PTPRT: variants seen among roughly 807,000 people sequenced by gnomAD.
The protein encoded by PTPRT is receptor-type tyrosine-protein phosphatase T.
In PTPRT, 56 loss-of-function variants were observed where a neutral mutation model predicts 176.8. The ratio of observed to expected loss-of-function variants is 0.32; its 90% CI spans 0.26 to 0.40. The LOEUF (loss-of-function observed/expected upper bound fraction) is 0.40, where lower values mean the gene tolerates loss of function less well. Among genes scored for constraint, PTPRT ranks in the 10% least tolerant of loss-of-function variants. PTPRT has a pLI of 1.00. For missense variants in PTPRT, 1,540 were observed against 1,908.2 expected (o/e 0.81, Z 3.60); for synonymous variants, 783 against 739.0 (o/e 1.06, Z -0.96).
At chr20:42,033,573 CTACAGAGGGTTATGA>C in the PTPRT span, among the ~76,000 whole-genome samples, 1 of 152,118 alleles carries the variant, frequency 6.6e-6, no homozygotes. Context: ...CACTTGTAGC[CTACAGAGGGTTATGA>C]TGCATGGTTA....
chr20:42,986,393 G>A (rs935983544), intron 1 of PTPRT, among the ~76,000 whole-genome samples: 11 of 152,098 alleles, frequency 7.2e-5, no homozygotes, highest in Non-Finnish European at 1.2e-4. Flanking sequence ...GACGACCAGC[G>A]TTTGATGAAA....
At chr20:42,756,408 G>A in intron 6 of PTPRT, 54 bp downstream of exon 6, 1 of 1,443,964 alleles carries the variant, frequency 6.9e-7, no homozygotes, top group Non-Finnish European at 9.2e-7. Flanking sequence ...GGGCTTTAAG[G>A]CCCATTAATG....
At chr20:42,755,424 C>T (rs1394616055) in intron 6 of PTPRT, among the ~76,000 whole-genome samples, 1 of 152,070 alleles carries the variant, frequency 6.6e-6, no homozygotes, top group Non-Finnish European at 1.5e-5. Context: ...TCAAACACAC[C>T]AGGTCTCATT....
intron 8 of PTPRT, among the ~76,000 whole-genome samples, chr20:42,467,592 T>C (rs2071121367): frequency 6.6e-6 from 1 of 152,222 alleles, no homozygotes; most frequent in African/African-American, 2.4e-5. Flanking sequence ...TAGCATAAAG[T>C]TCTTATTTTT....
At chr20:42,057,742 C>G in the PTPRT span, among the ~76,000 whole-genome samples, 1 of 152,028 alleles carries the variant, frequency 6.6e-6, no homozygotes, top group Non-Finnish European at 1.5e-5. Context: ...ATAAACACCT[C>G]ACACCTGGAA....
chr20:42,248,716 G>T lies in PTPRT; in HGVS notation c.2283C>A (p.Leu761=). 1 of 1,614,000 alleles carries T rather than the reference G, an allele frequency of 6.2e-7. No individual in the cohort carries two copies. The highest frequency in any genetic ancestry group is 1.1e-5 in the South Asian group (1 of 91,050). Residue 761 remains leucine (L), a synonymous_variant, in exon 14 of 31, where the codon CTC becomes CTA. Coordinates refer to ENST00000373187, the MANE Select transcript of PTPRT (RefSeq NM_007050.6). ...IAGLLMFIII[L]LGVMLTIKRR... ...TTTTGATGGTGAGCATCACGCCCAG[G>T]AGAATGATGATGAACATGAGGAGGC... is the stretch of plus-strand genomic sequence containing the variant.
chr20:42,788,623 A>G (rs964985095), intron 3 of PTPRT, among the ~76,000 whole-genome samples: 1 of 152,156 alleles, frequency 6.6e-6, no homozygotes. Context: ...CATTGCCATT[A>G]TATCTCATTA....
chr20:43,022,988 G>T (rs912136512), intron 1 of PTPRT, among the ~76,000 whole-genome samples: 11 of 152,236 alleles, frequency 7.2e-5, no homozygotes, highest in Admixed American at 6.5e-5. Flanking sequence ...GGTTCCAGGG[G>T]CAAAGGCCCT....
At chr20:42,715,550 C>T (rs1171383293) in intron 6 of PTPRT, among the ~76,000 whole-genome samples, 1 of 152,164 alleles carries the variant, frequency 6.6e-6, no homozygotes, top group Non-Finnish European at 1.5e-5. Flanking sequence ...AGTGCAGGCA[C>T]TGCAGAAGAA....
intron 1 of PTPRT, among the ~76,000 whole-genome samples, chr20:43,051,663 A>G (rs928103340): frequency 6.7e-6 from 1 of 148,904 alleles, no homozygotes; most frequent in African/African-American, 2.5e-5. Flanking sequence ...ACATTATTCT[A>G]TATTATTTTA....
At position 42,885,823 on chromosome 20, in the gene PTPRT, G is replaced by A; in HGVS notation, c.198C>T (p.Asp66=). 1 of 1,608,058 alleles carries A rather than the reference G, an allele frequency of 6.2e-7. No homozygotes were observed. The highest frequency in any genetic ancestry group is 8.5e-7 in the Non-Finnish European group (1 of 1,176,166). ...ATCACATACCTGTGGGCACTGCCTG[G>A]TCCAGCATTGGTTTCTCCCATGTGT... ...QINTWEKPML[D]QAVPTGSFMM... The change falls in exon 2 of 31, where the codon GAC becomes GAT. Residue 66 remains aspartate, a synonymous_variant. Transcript: ENST00000373187.
At chr20:43,109,495 T>C (rs118146277) in intron 1 of PTPRT, among the ~76,000 whole-genome samples, 2,160 of 152,296 alleles carry the variant, frequency 0.014, 23 homozygotes, top group Non-Finnish European at 0.023. Context: ...CAAGATTTGA[T>C]ATTCACACTC....
At chr20:42,662,545 G>T (rs761650474) in intron 7 of PTPRT, among the ~76,000 whole-genome samples, 5 of 152,074 alleles carry the variant, frequency 3.3e-5, no homozygotes, top group Non-Finnish European at 7.4e-5. Context: ...AGCATTATTA[G>T]CCATCATTAA....
intron 9 of PTPRT, among the ~76,000 whole-genome samples, chr20:42,438,290 C>T (rs1318116237): frequency 6.6e-6 from 1 of 152,132 alleles, no homozygotes; most frequent in Non-Finnish European, 1.5e-5. Flanking sequence ...TGTTTTAATC[C>T]AACATTTTTC....
intron 8 of PTPRT, among the ~76,000 whole-genome samples, chr20:42,460,751 C>G (rs898596290): frequency 3.3e-5 from 5 of 152,156 alleles, no homozygotes; most frequent in Non-Finnish European, 5.9e-5. Context: ...GAAGAAAGTG[C>G]CTTGCTTCCC....
At chr20:42,703,883 T>C (rs2146172150) in intron 6 of PTPRT, among the ~76,000 whole-genome samples, 1 of 152,246 alleles carries the variant, frequency 6.6e-6, no homozygotes, top group African/African-American at 2.4e-5. Flanking sequence ...TTTGGTCCTA[T>C]CAGCTAAAAC....
chr20:42,206,588 G>T (rs966123113), intron 15 of PTPRT, among the ~76,000 whole-genome samples: 4 of 152,190 alleles, frequency 2.6e-5, no homozygotes, highest in African/African-American at 9.7e-5. Flanking sequence ...CTTAAAAAAC[G>T]GCGAACCACG....
At chr20:43,177,790 C>G (rs1438868680) in intron 1 of PTPRT, among the ~76,000 whole-genome samples, 1 of 152,214 alleles carries the variant, frequency 6.6e-6, no homozygotes, top group Admixed American at 6.5e-5. Flanking sequence ...CATCAGGAAC[C>G]TGGCCCCGTT....
At chr20:43,076,465 A>C (rs960238807) in intron 1 of PTPRT, among the ~76,000 whole-genome samples, 1 of 152,186 alleles carries the variant, frequency 6.6e-6, no homozygotes, top group South Asian at 2.1e-4. Flanking sequence ...AAGAAGCCTA[A>C]TGAGCCTGCT....
Sources: allele counts gnomAD v4.1 joint callset (sites outside exome capture counted in the v4.1 genomes callset), GRCh38; gene constraint gnomAD v4.1.1; transcripts MANE v1.5; gene names NCBI Gene and HGNC (gene_info 2026-07-23, HGNC 2026-07-21).